HIVEP1: variants seen among roughly 807,000 people sequenced by gnomAD.
HIVEP1 encodes zinc finger protein 40.
Under a neutral mutation model 180.0 loss-of-function variants are expected in HIVEP1, and 36 were observed. The ratio of observed to expected loss-of-function variants is 0.20; its 90% CI spans 0.15 to 0.26. The LOEUF (loss-of-function observed/expected upper bound fraction) is 0.26, where lower values mean the gene tolerates loss of function less well. Ranked by LOEUF, HIVEP1 falls within the 10% of genes least tolerant of loss-of-function variation. The probability of loss-of-function intolerance (pLI) is 1.00; values close to 1 mark genes in which losing one functional copy is unlikely to be tolerated. For missense variants in HIVEP1, 3,143 were observed against 3,268.7 expected (o/e 0.96, Z 0.94); for synonymous variants, 1,239 against 1,239.0 (o/e 1.00, Z 0.00).
intron 2 of HIVEP1, among the ~76,000 whole-genome samples, chr6:12,017,819 A>T (rs544226476): frequency 1.3e-5 from 2 of 152,228 alleles, no homozygotes; most frequent in Non-Finnish European, 2.9e-5. Flanking sequence ...TTAGCTAGAC[A>T]TAAAGTTTCT....
At chr6:12,007,729 G>C (rs557266645), upstream of HIVEP1, 23 of 151,732 alleles carry the variant, frequency 1.5e-4, no homozygotes, top group African/African-American at 5.6e-4. Context: ...GCCAAATCGT[G>C]AACTTTCTCT....
the HIVEP1 span, among the ~76,000 whole-genome samples, chr6:12,185,615 G>A: frequency 8.5e-5 from 13 of 152,176 alleles, no homozygotes; most frequent in Non-Finnish European, 1.5e-4. Context: ...ATTAAAAAGT[G>A]AGCCAAAGAC....
intron 2 of HIVEP1, among the ~76,000 whole-genome samples, chr6:12,068,301 G>A (rs1368209113): frequency 6.6e-6 from 1 of 152,004 alleles, no homozygotes; most frequent in Non-Finnish European, 1.5e-5. Flanking sequence ...TGTTGGCCAG[G>A]GTGGTCTCAA....
chr6:12,144,282 G>A (rs952022210), intron 7 of HIVEP1, among the ~76,000 whole-genome samples: 1 of 152,126 alleles, frequency 6.6e-6, no homozygotes, highest in Non-Finnish European at 1.5e-5. Flanking sequence ...AAAGGGGAAA[G>A]GATTCCCTAT....
chr6:12,099,552 A>G (rs1561938064), intron 3 of HIVEP1, among the ~76,000 whole-genome samples: 1 of 152,108 alleles, frequency 6.6e-6, no homozygotes, highest in Admixed American at 6.5e-5. Context: ...ACTGTTTAAC[A>G]TGACCCTTAT....
At chr6:12,167,993 GTATA>G (rs1314851523), downstream of HIVEP1, among the ~76,000 whole-genome samples, 1 of 100,468 alleles carries the variant, frequency 1.0e-5, no homozygotes, top group African/African-American at 4.3e-5. Flanking sequence ...ATGTATATAT[GTATA>G]TATTATATAT....
intron 8 of HIVEP1, among the ~76,000 whole-genome samples, chr6:12,162,156 G>A (rs1243373090): frequency 6.7e-6 from 1 of 150,204 alleles, no homozygotes; most frequent in African/African-American, 2.5e-5. Flanking sequence ...ATCTATGAAA[G>A]AACCAAATGG....
Position 12,029,099 on chromosome 6 carries a change from T to G in HIVEP1, c.40+13431T>G, listed in dbSNP as rs890023738. Among the ~76,000 whole-genome samples the G allele has an allele frequency of 1.1e-4, 16 of 152,276 alleles. 1 individual carries two copies. Among genetic ancestry groups the G allele is most frequent in the African/African-American group, 3.6e-4 (15 of 41,480 alleles). On this transcript the variant is annotated intron_variant, in intron 2 of 8. Coordinates refer to ENST00000379388, the MANE Select transcript of HIVEP1 (RefSeq NM_002114.4). ...TGATTGTATTGATTCATTCACTCGT[T>G]TGATGGACATTTGTATTGTTTTCAG... is the stretch of plus-strand genomic sequence containing the variant.
the HIVEP1 span, among the ~76,000 whole-genome samples, chr6:12,209,003 C>T: frequency 1.1e-4 from 17 of 152,196 alleles, no homozygotes; most frequent in African/African-American, 1.7e-4. Flanking sequence ...CTGGCCTCCT[C>T]GCTGTTCTGC....
chr6:12,075,593 T>C (rs1337839999), intron 2 of HIVEP1, among the ~76,000 whole-genome samples: 1 of 151,832 alleles, frequency 6.6e-6, no homozygotes, highest in East Asian at 1.9e-4. Context: ...ATTGGGCCTT[T>C]TTTTTTTTTC....
chr6:12,054,469 G>T (rs1361877922), intron 2 of HIVEP1, among the ~76,000 whole-genome samples: 1 of 149,246 alleles, frequency 6.7e-6, no homozygotes, highest in African/African-American at 2.4e-5. Flanking sequence ...ATATATACAT[G>T]CACATTTACA....
chr6:12,120,349 G>A lies in HIVEP1; in HGVS notation c.554G>A (p.Gly185Asp). Residue 185 changes from glycine (G) to aspartate (D), a missense_variant, in exon 4 of 9, where the codon GGC (glycine) becomes GAC (aspartate). Gly to Asp is a moderately conservative substitution (Grantham distance 94). Coordinates refer to ENST00000379388, the MANE Select transcript of HIVEP1 (RefSeq NM_002114.4). ...AGCGAATGCATCTCTTCTCATTGTG[G>A]CACTACGTCCCCCTCCTATACAAAC... ...DNSECISSHC[G>D]TTSPSYTNTA... 1 of 1,614,128 alleles carries A rather than the reference G, an allele frequency of 6.2e-7. No homozygotes were observed. The highest frequency in any genetic ancestry group is 1.3e-5 in the African/African-American group (1 of 75,034).
rs751202567 is a variant in HIVEP1, at chr6:12,063,125, A to G, written c.41-26059A>G. ...TTTACTCTTTTTGGAAATAGTTAAT[A>G]GAATAAAAGGAGGAATAAAGAGGAT... is the stretch of plus-strand genomic sequence containing the variant. On this transcript the variant is annotated intron_variant, in intron 2 of 8. Transcript: ENST00000379388. This position sits in a 1 kb window ranked among gnomAD's most constrained non-coding sequence, Gnocchi z 4.2. Among the ~76,000 whole-genome samples, 13 of 152,268 alleles carry G rather than the reference A, an allele frequency of 8.5e-5. No homozygotes were observed. The highest frequency in any genetic ancestry group is 1.2e-4 in the Non-Finnish European group (8 of 68,044).
At chr6:12,167,581 C>CATGTTATATTACATGTCATATATACAT (rs55679474), downstream of HIVEP1, among the ~76,000 whole-genome samples, 6 of 64,916 alleles carry the variant, frequency 9.2e-5, 1 homozygote, top group African/African-American at 6.1e-4. Context: ...GTTATATATA[C>CATGTTATATTACATGTCATATATACAT]GTTATATTAC....
chr6:12,086,952 A>G (rs945360843), intron 2 of HIVEP1, among the ~76,000 whole-genome samples: 4 of 152,108 alleles, frequency 2.6e-5, no homozygotes, highest in Admixed American at 6.6e-5. Context: ...TTACCAGGAG[A>G]ATTATAAAAA....
chr6:12,041,638 T>C (rs180806760), intron 2 of HIVEP1, among the ~76,000 whole-genome samples: 5 of 152,124 alleles, frequency 3.3e-5, no homozygotes, highest in African/African-American at 1.2e-4. Flanking sequence ...AATTTAGTTA[T>C]TTCTTTGATA....
chr6:12,037,053 G>C (rs748182265), intron 2 of HIVEP1, among the ~76,000 whole-genome samples: 4 of 152,304 alleles, frequency 2.6e-5, no homozygotes, highest in Admixed American at 6.5e-5. Flanking sequence ...AAGTAGTGAC[G>C]TTCAAGTTTT....
chr6:12,201,280 G>A, the HIVEP1 span, among the ~76,000 whole-genome samples: 1 of 152,086 alleles, frequency 6.6e-6, no homozygotes, highest in Non-Finnish European at 1.5e-5. Context: ...AGTTTGAGAC[G>A]AGCCTGGGCA....
rs573970756 is a variant in HIVEP1 at position 12,074,643 on chromosome 6, T to TGTGTGTGTGTGTGTATATGTGTGTGC, written c.41-14540_41-14539insTGTGTGTGTGTGTATATGTGTGTGCG. 3.0e-3 allele frequency among the ~76,000 whole-genome samples: 438 copies of TGTGTGTGTGTGTGTATATGTGTGTGC among 148,146 alleles called. 1 individual carries two copies. Among genetic ancestry groups the TGTGTGTGTGTGTGTATATGTGTGTGC allele is most frequent in the Middle Eastern group, 0.01 (3 of 288 alleles). ...AAGTGTGTGTGTGTGTGTGTGTGTGTGCGCGCGCGTGCATGTCCTTGTCTC... is the reference window on the plus strand; with the variant it reads ...AAGTGTGTGTGTGTGTGTGTGTGTGTGTGTGTGTGTGTGTATATGTGTGTGCGCGCGCGCGTGCATGTCCTTGTCTC... On this transcript the variant is annotated intron_variant, in intron 2 of 8. Coordinates refer to ENST00000379388, the MANE Select transcript of HIVEP1 (RefSeq NM_002114.4).
Sources: allele counts gnomAD v4.1 joint callset (sites outside exome capture counted in the v4.1 genomes callset), GRCh38; gene constraint gnomAD v4.1.1; non-coding constraint Gnocchi (gnomAD v3.1); transcripts MANE v1.5; gene names NCBI Gene and HGNC (gene_info 2026-07-23, HGNC 2026-07-21).